SCP2: variants seen among roughly 807,000 people sequenced by gnomAD.
SCP2 encodes SCP-2/3-oxoacyl-CoA thiolase.
Under a neutral mutation model 71.4 loss-of-function variants are expected in SCP2, and 48 were observed. The observed-to-expected ratio is 0.67, with a 90% CI of 0.53 to 0.86. SCP2 has a LOEUF of 0.86. Among genes scored for constraint, SCP2 ranks in the 40% least tolerant of loss-of-function variants. The pLI, the probability that SCP2 is intolerant of heterozygous loss-of-function variation, is 0.00. For missense variants in SCP2, 560 were observed against 655.6 expected (o/e 0.85, Z 1.59); for synonymous variants, 220 against 218.1 (o/e 1.01, Z -0.08).
chr1:52,977,180 A>G (rs1460516863), intron 8 of SCP2, among the ~76,000 whole-genome samples: 1 of 152,218 alleles, frequency 6.6e-6, no homozygotes, highest in African/African-American at 2.4e-5. Flanking sequence ...AATGATGATA[A>G]CAGTTGTTTC....
intron 15 of SCP2, 149 bp downstream of exon 15, chr1:53,048,086 C>T: frequency 1.5e-6 from 1 of 676,392 alleles, no homozygotes; most frequent in Non-Finnish European, 2.7e-6. Context: ...GTGGAGCAAG[C>T]TGTGTGCCAC....
At chr1:52,979,059 C>T (rs1017227518) in intron 9 of SCP2, among the ~76,000 whole-genome samples, 41 of 152,316 alleles carry the variant, frequency 2.7e-4, no homozygotes, top group African/African-American at 9.6e-4. Flanking sequence ...ACACTGTGAA[C>T]TGGAAAATGT....
chr1:52,942,139 A>G (rs746843195), intron 2 of SCP2, among the ~76,000 whole-genome samples: 2 of 152,196 alleles, frequency 1.3e-5, no homozygotes, highest in Admixed American at 1.3e-4. Flanking sequence ...TAAAAGGGAT[A>G]ACATCATTCT....
At chr1:53,032,105 T>A (rs558378593) in intron 13 of SCP2, among the ~76,000 whole-genome samples, 1 of 152,320 alleles carries the variant, frequency 6.6e-6, no homozygotes, top group South Asian at 2.1e-4. Context: ...TAAAAGATTT[T>A]AAGGAATGTG....
At chr1:52,993,498 A>C (rs527553703) in intron 11 of SCP2, 1 of 1,613,034 alleles carries the variant, frequency 6.2e-7, no homozygotes, top group African/African-American at 1.3e-5. Context: ...TGAAACTTAT[A>C]GATTTCTTCA....
chr1:52,961,671 T>C (rs1391135887), intron 6 of SCP2, 42 bp downstream of exon 6: 2 of 1,530,896 alleles, frequency 1.3e-6, no homozygotes, highest in Non-Finnish European at 1.8e-6. Context: ...TTACTAGTTA[T>C]ATACATGAGA....
At chr1:53,037,474 T>C (rs1402222694) in intron 13 of SCP2, among the ~76,000 whole-genome samples, 1 of 151,904 alleles carries the variant, frequency 6.6e-6, no homozygotes, top group East Asian at 1.9e-4. Context: ...TGTAACAATA[T>C]TTGGCTCAAT....
chr1:53,044,222 T>C (rs2150272077), intron 14 of SCP2, among the ~76,000 whole-genome samples: 1 of 152,268 alleles, frequency 6.6e-6, no homozygotes, highest in East Asian at 1.9e-4. Flanking sequence ...CATGCTCGGC[T>C]AATTTTTGTA....
At chr1:52,947,940 AACTTAATTTTC>A in intron 2 of SCP2, 58 bp from the exon 3 acceptor site, 1 of 1,058,412 alleles carries the variant, frequency 9.4e-7, no homozygotes. Context: ...GAAAACTCTA[AACTTAATTTTC>A]ACTCTCCTAA....
intron 13 of SCP2, 55 bp downstream of exon 13, chr1:53,028,126 C>A: frequency 1.0e-6 from 1 of 996,384 alleles, no homozygotes; most frequent in South Asian, 1.3e-5. Context: ...AGGAAGCAGA[C>A]ACAGGTTTCA....
intron 15 of SCP2, chr1:53,049,620 G>A (rs1039421985): frequency 6.6e-6 from 1 of 152,166 alleles, no homozygotes; most frequent in Non-Finnish European, 1.5e-5. Context: ...AGTTTCTCCT[G>A]TACTACTGGT....
At chr1:52,949,292 G>A (rs898543096) in intron 3 of SCP2, among the ~76,000 whole-genome samples, 1 of 152,158 alleles carries the variant, frequency 6.6e-6, no homozygotes, top group African/African-American at 2.4e-5. Context: ...TGATTTTGCT[G>A]AAGACTCCTG....
At chr1:53,021,387 G>A (rs1661713999) in intron 12 of SCP2, among the ~76,000 whole-genome samples, 1 of 144,552 alleles carries the variant, frequency 6.9e-6, no homozygotes, top group African/African-American at 2.7e-5. Flanking sequence ...CGCAATCTTG[G>A]CTCACTGCAG....
intron 11 of SCP2, among the ~76,000 whole-genome samples, chr1:53,002,870 C>T (rs1470585834): frequency 6.6e-6 from 1 of 152,152 alleles, no homozygotes; most frequent in South Asian, 2.1e-4. Context: ...CAAACCATGG[C>T]TTATCTCGTC....
intron 11 of SCP2, chr1:52,995,118 G>C (rs1659832661): frequency 2.0e-6 from 1 of 498,218 alleles, no homozygotes; most frequent in African/African-American, 2.0e-5. Flanking sequence ...ACTGCCTGCA[G>C]GGCTTGCAGC....
At chr1:53,045,426 A>G (rs1398381244) in intron 14 of SCP2, among the ~76,000 whole-genome samples, 1 of 152,164 alleles carries the variant, frequency 6.6e-6, no homozygotes, top group Non-Finnish European at 1.5e-5. Flanking sequence ...ATACCCCAGA[A>G]TTTATTCCTT....
chr1:52,956,259 C>T (rs140856635), intron 5 of SCP2, among the ~76,000 whole-genome samples: 2,117 of 152,054 alleles, frequency 0.014, 29 homozygotes, highest in African/African-American at 0.048. Context: ...AGCCAAGATG[C>T]GCCATTGCAC....
intron 1 of SCP2, among the ~76,000 whole-genome samples, chr1:52,936,205 GT>G: frequency 6.6e-6 from 1 of 152,226 alleles, no homozygotes; most frequent in East Asian, 1.9e-4. Flanking sequence ...TGGATTTATT[GT>G]TTTTGATGAA....
At position 52,945,554 on chromosome 1, in the gene SCP2, G is replaced by T. The variant is rs373739372; in HGVS notation, c.128-2455G>T. Reference sequence around the variant, plus strand: ...TCCATCTCTACTAAAAATACAAAAAGTTAGCCAGATTGGTGGTGGGCGCCT... The same window carrying T: ...TCCATCTCTACTAAAAATACAAAAATTTAGCCAGATTGGTGGTGGGCGCCT... On this transcript the variant is annotated intron_variant, in intron 2 of 15. Coordinates refer to ENST00000371514, the MANE Select transcript of SCP2 (RefSeq NM_002979.5). Among the ~76,000 whole-genome samples, 15 of 152,032 alleles carry T rather than the reference G, an allele frequency of 9.9e-5. No individual in the cohort carries two copies. In the East Asian group the frequency reaches 2.7e-3, roughly 27 times the overall value.
Sources: gnomAD v4.1 joint callset for allele counts (sites outside exome capture counted in the v4.1 genomes callset) on GRCh38, gnomAD v4.1.1 for gene constraint, MANE v1.5 for transcripts, NCBI Gene and HGNC (gene_info 2026-07-23, HGNC 2026-07-21) for gene names.